FOXP1: variants seen among roughly 807,000 people sequenced by gnomAD.
FOXP1 encodes the protein forkhead box P1.
FOXP1 carries 15 observed loss-of-function variants against 98.2 expected under a neutral mutation model. That is an observed-to-expected ratio of 0.15 (90% CI 0.10 to 0.24). The LOEUF (loss-of-function observed/expected upper bound fraction) is 0.24. Ranked by LOEUF, FOXP1 falls within the 10% of genes least tolerant of loss-of-function variation. The probability of loss-of-function intolerance (pLI) is 1.00; values close to 1 mark genes in which losing one functional copy is unlikely to be tolerated. For synonymous variants in FOXP1, 371 were observed against 314.5 expected, an observed-to-expected ratio of 1.18 and a Z score of -1.90; for missense variants, 633 against 848.5, an observed-to-expected ratio of 0.75 and a Z score of 3.15.
At chr3:71,476,927 ATC>A (rs2089899784) in intron 3 of FOXP1, among the ~76,000 whole-genome samples, 2 of 152,218 alleles carry the variant, frequency 1.3e-5, no homozygotes, top group Non-Finnish European at 2.9e-5. Flanking sequence ...AGCTTTAATA[ATC>A]TGTTTCATTA....
chr3:70,963,730 G>T (rs779981328), intron 20 of FOXP1, among the ~76,000 whole-genome samples: 3 of 152,218 alleles, frequency 2.0e-5, no homozygotes, highest in Non-Finnish European at 2.9e-5. Flanking sequence ...TGCACAGCAT[G>T]GAGTATTTTG....
At chr3:71,271,370 G>A (rs1197569300) in intron 5 of FOXP1, among the ~76,000 whole-genome samples, 1 of 152,132 alleles carries the variant, frequency 6.6e-6, no homozygotes, top group African/African-American at 2.4e-5. Flanking sequence ...AAGTGTTAAC[G>A]ATAATTTTAC....
chr3:70,975,792 C>T (rs1313634701), intron 17 of FOXP1, among the ~76,000 whole-genome samples: 1 of 151,946 alleles, frequency 6.6e-6, no homozygotes, highest in Non-Finnish European at 1.5e-5. Flanking sequence ...ATATTAGACA[C>T]CAAGAAATCA....
At chr3:71,230,071 C>T (rs1163671706) in intron 5 of FOXP1, among the ~76,000 whole-genome samples, 2 of 130,934 alleles carry the variant, frequency 1.5e-5, no homozygotes, top group Middle Eastern at 4.0e-3. Context: ...TGCCAAACAG[C>T]AGGGCTGCAG....
intron 3 of FOXP1, among the ~76,000 whole-genome samples, chr3:71,400,701 C>T (rs1048210108): frequency 1.3e-5 from 2 of 152,142 alleles, no homozygotes; most frequent in Admixed American, 6.5e-5. Flanking sequence ...CATCTGAATA[C>T]AGAACCTCAC....
At chr3:71,009,113 A>C (rs1453593662) in intron 12 of FOXP1, among the ~76,000 whole-genome samples, 1 of 124,640 alleles carries the variant, frequency 8.0e-6, no homozygotes, top group Non-Finnish European at 1.6e-5. Flanking sequence ...CCCAAGATCA[A>C]GGAAGTACAG....
intron 5 of FOXP1, among the ~76,000 whole-genome samples, chr3:71,292,142 T>C (rs1020958611): frequency 6.6e-6 from 1 of 152,120 alleles, no homozygotes; most frequent in Non-Finnish European, 1.5e-5. Flanking sequence ...TGAATGTATT[T>C]TAGGATATTT....
At chr3:71,032,811 G>A (rs1333574628) in intron 11 of FOXP1, among the ~76,000 whole-genome samples, 1 of 152,196 alleles carries the variant, frequency 6.6e-6, no homozygotes, top group African/African-American at 2.4e-5. Context: ...ATTGGCTTAA[G>A]AGCATAAGAC....
rs985922055 is a variant in FOXP1 at position 71,037,091 on chromosome 3, G to A, written c.869+4237C>T. Among the ~76,000 whole-genome samples the A allele has an allele frequency of 2.0e-5, 3 of 152,156 alleles. No homozygotes were observed. In the East Asian group the frequency reaches 5.8e-4, roughly 29 times the overall value. On this transcript the variant is annotated intron_variant, in intron 11 of 20. Transcript: ENST00000649528. Reference sequence around the variant, plus strand: ...TATTCGATTTCCTCATCTGTAAAATGGGTATAATCATCCTTACTGCTTCCT... The same window carrying A: ...TATTCGATTTCCTCATCTGTAAAATAGGTATAATCATCCTTACTGCTTCCT...
At chr3:71,071,635 C>T (rs1463615252) in intron 7 of FOXP1, among the ~76,000 whole-genome samples, 6 of 152,092 alleles carry the variant, frequency 3.9e-5, no homozygotes, top group Admixed American at 6.5e-5. Context: ...AGTGCAATGG[C>T]GCATCTTGGC....
intron 7 of FOXP1, chr3:71,065,843 T>A (rs1331497613): frequency 6.6e-6 from 1 of 152,160 alleles, no homozygotes; most frequent in African/African-American, 2.4e-5. Flanking sequence ...AGTGTTTTTT[T>A]AAAAAGTCAA....
intron 7 of FOXP1, among the ~76,000 whole-genome samples, chr3:71,101,678 CAAA>C (rs75384060): frequency 4.1e-5 from 3 of 72,590 alleles, no homozygotes; most frequent in Non-Finnish European, 1.0e-4. Context: ...TGGGAAAAAG[CAAA>C]AAAAAAAAAA....
chr3:71,130,692 G>C, intron 6 of FOXP1: 1 of 1,568,986 alleles, frequency 6.4e-7, no homozygotes, highest in Non-Finnish European at 8.6e-7. Flanking sequence ...ATTGCCCTTT[G>C]TAGGCAACCT....
At chr3:71,322,171 C>A (rs961756337) in intron 4 of FOXP1, among the ~76,000 whole-genome samples, 26 of 152,130 alleles carry the variant, frequency 1.7e-4, no homozygotes, top group Non-Finnish European at 3.2e-4. Context: ...CCATTCTGTA[C>A]TATATGGAAT....
chr3:71,440,167 G>C (rs1399844382), intron 3 of FOXP1, among the ~76,000 whole-genome samples: 3 of 152,130 alleles, frequency 2.0e-5, no homozygotes, highest in African/African-American at 4.8e-5. Context: ...GAAAGTTCTG[G>C]AGACTGGTTG....
At chr3:71,571,502 T>TTA (rs2047339137) in intron 2 of FOXP1, 1 of 152,214 alleles carries the variant, frequency 6.6e-6, no homozygotes, top group Non-Finnish European at 1.5e-5. Flanking sequence ...TCTGATATTC[T>TTA]TAATAAAATG....
rs565630623 is a variant in FOXP1, at chr3:71,243,075, C to T, written c.-11-44683G>A. Among the ~76,000 whole-genome samples, 5 of 152,256 alleles carry T rather than the reference C, an allele frequency of 3.3e-5. No individual in the cohort carries two copies. In the East Asian group the frequency reaches 5.8e-4, roughly 18 times the overall value. On this transcript the variant is annotated intron_variant, in intron 5 of 20. Coordinates refer to ENST00000649528, the MANE Select transcript of FOXP1 (RefSeq NM_001349338.3). ...ATCCCTGTAAAATTTGAATATCTCC[C>T]CGTCTAATTAAAGGCTACTAATTCC...
At chr3:71,235,998 G>A (rs2066741106) in intron 5 of FOXP1, among the ~76,000 whole-genome samples, 2 of 152,224 alleles carry the variant, frequency 1.3e-5, no homozygotes, top group South Asian at 4.1e-4. Context: ...GCCCCAGTAA[G>A]AGCCTGTGGC....
intron 3 of FOXP1, among the ~76,000 whole-genome samples, chr3:71,439,245 C>T (rs1438033521): frequency 6.6e-6 from 1 of 152,158 alleles, no homozygotes; most frequent in Non-Finnish European, 1.5e-5. Flanking sequence ...AACCCTGGGA[C>T]CATGCATGCA....
Sources: gnomAD v4.1 joint callset for allele counts (sites outside exome capture counted in the v4.1 genomes callset) on GRCh38, gnomAD v4.1.1 for gene constraint, MANE v1.5 for transcripts, NCBI Gene and HGNC (gene_info 2026-07-23, HGNC 2026-07-21) for gene names.